Variants in SYCP1 observed in about 807,000 individuals in gnomAD.
SYCP1 encodes synaptonemal complex protein 1, also known as cancer/testis antigen 8.
SYCP1 carries 64 observed loss-of-function variants against 153.1 expected under a neutral mutation model. That is an observed-to-expected ratio of 0.42 (90% confidence interval 0.34 to 0.51). The LOEUF (loss-of-function observed/expected upper bound fraction) is 0.51, where lower values mean the gene tolerates loss of function less well. Ranked by LOEUF, SYCP1 falls within the 20% of genes least tolerant of loss-of-function variation. The probability of loss-of-function intolerance (pLI) is 0.06; values close to 1 mark genes in which losing one functional copy is unlikely to be tolerated. For synonymous variants in SYCP1, 384 were observed against 341.8 expected, an observed-to-expected ratio of 1.12 and a Z score of -1.36; for missense variants, 997 against 1,049.0, an observed-to-expected ratio of 0.95 and a Z score of 0.68.
chr1:114,914,582 A>G (rs1668399137), intron 20 of SYCP1, among the ~76,000 whole-genome samples: 1 of 152,160 alleles, frequency 6.6e-6, no homozygotes, highest in Non-Finnish European at 1.5e-5. Context: ...AACCTAGTCA[A>G]GTTGTAGACA....
At chr1:114,855,801 G>A (rs1278551486) in intron 2 of SYCP1, among the ~76,000 whole-genome samples, 1 of 152,092 alleles carries the variant, frequency 6.6e-6, no homozygotes, top group African/African-American at 2.4e-5. Context: ...ATAGTGGAAC[G>A]TGCTTATTTT....
chr1:114,861,184 T>C (rs1249640584), intron 8 of SYCP1, among the ~76,000 whole-genome samples: 2 of 152,156 alleles, frequency 1.3e-5, no homozygotes, highest in Non-Finnish European at 2.9e-5. Flanking sequence ...ATTGTATTTA[T>C]GAATAGTGGT....
At chr1:114,880,485 A>G (rs533514817) in intron 12 of SYCP1, among the ~76,000 whole-genome samples, 109 of 152,260 alleles carry the variant, frequency 7.2e-4, no homozygotes, top group Non-Finnish European at 1.4e-3. Flanking sequence ...TCTCTGCTGG[A>G]GAGAAATTGG....
At chr1:114,943,530 T>C (rs530981349) in intron 23 of SYCP1, among the ~76,000 whole-genome samples, 113 of 152,018 alleles carry the variant, frequency 7.4e-4, no homozygotes, top group Non-Finnish European at 1.4e-3. Flanking sequence ...AAAAAAAATC[T>C]TGAAATATTG....
chr1:114,976,428 A>G (rs1672796158), intron 27 of SYCP1, among the ~76,000 whole-genome samples: 1 of 151,854 alleles, frequency 6.6e-6, no homozygotes, highest in African/African-American at 2.4e-5. Context: ...ACCACTAAAG[A>G]TACGCATTCT....
rs1664058441 is a variant in SYCP1, at chr1:114,857,244, A to C, written c.206A>C (p.Gln69Pro). ...GENIDSDPAL[Q>P]KVNFLPVLEQ... ...TTTTATCTTGCAGATCCTGCTTTAC[A>C]AAAAGTTAATTTCTTGCCCGTGCTT... The change falls in exon 4 of 32, where the codon CAA becomes CCA. Residue 69 changes from glutamine (Q) to proline (P), a missense_variant. Coordinates refer to ENST00000369522, the MANE Select transcript of SYCP1 (RefSeq NM_003176.4). 1.9e-6 allele frequency: 3 copies of C among 1,601,386 alleles called. No individual in the cohort carries two copies. Among genetic ancestry groups the C allele is most frequent in the African/African-American group, 1.3e-5 (1 of 74,648 alleles).
At chr1:114,952,787 T>G (rs775513433) in intron 27 of SYCP1, among the ~76,000 whole-genome samples, 66 of 152,208 alleles carry the variant, frequency 4.3e-4, no homozygotes, top group Admixed American at 4.1e-3. Context: ...TAACTAATTT[T>G]CTAATTAGAC....
intron 30 of SYCP1, among the ~76,000 whole-genome samples, chr1:114,985,879 T>C (rs2101966149): frequency 6.7e-6 from 1 of 150,256 alleles, no homozygotes; most frequent in South Asian, 2.1e-4. Context: ...GTTCTACATC[T>C]GTGTATTCAA....
At chr1:114,990,925 C>T (rs969792619) in intron 30 of SYCP1, among the ~76,000 whole-genome samples, 5 of 151,912 alleles carry the variant, frequency 3.3e-5, no homozygotes, top group African/African-American at 1.2e-4. Flanking sequence ...GAATTTCCCA[C>T]AGGGTGGCAC....
intron 23 of SYCP1, among the ~76,000 whole-genome samples, chr1:114,930,470 A>G (rs1392326665): frequency 6.6e-6 from 1 of 152,036 alleles, no homozygotes; most frequent in Non-Finnish European, 1.5e-5. Context: ...AGAATGAAAG[A>G]GTACATAATT....
At chr1:114,876,964 C>T in intron 11 of SYCP1, 154 bp downstream of exon 11, 1 of 333,070 alleles carries the variant, frequency 3.0e-6, no homozygotes, top group African/African-American at 2.1e-5. Flanking sequence ...CCTTTAGACT[C>T]ACTTAATTTT....
chr1:114,919,947 A>G (rs1438821310), intron 20 of SYCP1, among the ~76,000 whole-genome samples: 1 of 151,740 alleles, frequency 6.6e-6, no homozygotes, highest in Non-Finnish European at 1.5e-5. Context: ...TCAAAAAACC[A>G]ACTTTTTGTT....
intron 8 of SYCP1, among the ~76,000 whole-genome samples, chr1:114,872,416 C>A (rs1200269587): frequency 2.0e-5 from 3 of 152,096 alleles, no homozygotes; most frequent in Non-Finnish European, 4.4e-5. Context: ...CAGATAGAAT[C>A]TTTCTTTTTG....
intron 12 of SYCP1, among the ~76,000 whole-genome samples, chr1:114,880,259 A>G (rs889215732): frequency 4.6e-5 from 7 of 152,212 alleles, no homozygotes; most frequent in Non-Finnish European, 1.5e-5. Flanking sequence ...ATCTTGCAAA[A>G]TGGAAACTCT....
rs1290053987 is a variant in SYCP1, at chr1:114,887,648, T to C, written c.1213T>C (p.Leu405=). Residue 405 remains leucine (L), a synonymous_variant, in exon 15 of 32, where the codon TTG becomes CTG. Transcript: ENST00000369522. ...QQRLEKNEDQ[L]KILTMELQKK... The stretch of plus-strand genomic sequence containing the variant: ...AAGATTGGAAAAAAATGAAGATCAA[T>C]TGAAAATACTTACCATGGAGCTTCA... 1.3e-6 allele frequency: 2 copies of C among 1,566,170 alleles called. No homozygotes were observed. Among genetic ancestry groups the C allele is most frequent in the Admixed American group, 3.6e-5 (2 of 55,934 alleles).
intron 23 of SYCP1, among the ~76,000 whole-genome samples, chr1:114,942,013 T>C (rs953607400): frequency 1.3e-5 from 2 of 152,050 alleles, no homozygotes; most frequent in Non-Finnish European, 2.9e-5. Context: ...ACTGAGAATA[T>C]TTAGAATTGA....
At chr1:114,877,580 T>G (rs1665627598) in intron 11 of SYCP1, among the ~76,000 whole-genome samples, 1 of 152,202 alleles carries the variant, frequency 6.6e-6, no homozygotes, top group South Asian at 2.1e-4. Context: ...ACTGAAACGC[T>G]TTTTGGAGTT....
At chr1:114,946,428 A>G (rs1670712763) in intron 26 of SYCP1, 47 bp downstream of exon 26, 2 of 1,150,146 alleles carry the variant, frequency 1.7e-6, no homozygotes, top group East Asian at 5.5e-5. Flanking sequence ...TCATAATGTC[A>G]GCAGTGACTG....
rs1666543955 is a variant in SYCP1, at chr1:114,889,456, A to T, written c.1258+1763A>T. On this transcript the variant is annotated intron_variant, in intron 15 of 31. Transcript: ENST00000369522. ...ATTTTCATTTCTCTGATGACCAGTG[A>T]TGATGAGCATTTTTTCATATGTCTG... 3.3e-5 allele frequency among the ~76,000 whole-genome samples: 5 copies of T among 152,312 alleles called. No homozygotes were observed. In the South Asian group the frequency reaches 1.0e-3, roughly 32 times the overall value.
Sources: gnomAD v4.1 joint callset for allele counts (sites outside exome capture counted in the v4.1 genomes callset) on GRCh38, gnomAD v4.1.1 for gene constraint, MANE v1.5 for transcripts, NCBI Gene and HGNC (gene_info 2026-07-23, HGNC 2026-07-21) for gene names.